UTP20: variants seen among roughly 807,000 people sequenced by gnomAD.
UTP20 encodes the protein small subunit processome component 20 homolog.
UTP20 carries 164 observed loss-of-function variants against 329.5 expected under a neutral mutation model. That is an observed-to-expected ratio of 0.50 (90% CI 0.44 to 0.57). The LOEUF is 0.57. UTP20 is among the 20% of genes least tolerant of loss of function. The probability of loss-of-function intolerance (pLI) is 0.00; values close to 1 mark genes in which losing one functional copy is unlikely to be tolerated. For synonymous variants in UTP20, 1,151 were observed against 1,159.3 expected (o/e 0.99, Z 0.14); for missense variants, 3,055 against 3,284.2 (o/e 0.93, Z 1.71).
rs1870417764 is a variant in UTP20 at position 101,374,810 on chromosome 12, C to A, written c.7134C>A (p.Arg2378=). 5.8e-6 allele frequency: 6 copies of A among 1,037,978 alleles called. No homozygotes were observed. Among genetic ancestry groups the A allele is most frequent in the Non-Finnish European group, 7.7e-6 (5 of 653,288 alleles). 64.3% of individuals were successfully genotyped at this position (1,037,978 alleles called of 1,614,324 possible). Residue 2378 remains arginine (R), a splice_region_variant and synonymous_variant, in exon 55 of 62, where the codon CGC becomes CGA. Coordinates refer to ENST00000261637, the MANE Select transcript of UTP20 (RefSeq NM_014503.3). The stretch of plus-strand genomic sequence containing the variant: ...GTCTTGTGGTTTATTTTTGGTAGCG[C>A]TTAAATAGACAACTTGCTGCCCTGA... The part of the protein sequence containing the change: ...MVTTWFGAKK[R]LNRQLAALIC...
intron 43 of UTP20, among the ~76,000 whole-genome samples, chr12:101,360,889 C>T (rs1050697681): frequency 6.6e-6 from 1 of 152,096 alleles, no homozygotes; most frequent in Non-Finnish European, 1.5e-5. Flanking sequence ...ACCCAATCTA[C>T]GTTTTGACAA....
intron 21 of UTP20, among the ~76,000 whole-genome samples, chr12:101,316,740 G>C (rs528412107): frequency 6.1e-4 from 93 of 152,268 alleles, no homozygotes; most frequent in African/African-American, 2.1e-3. Flanking sequence ...GACAACAAAA[G>C]GTTAATTGTT....
At chr12:101,284,617 A>G (rs1318989564) in intron 2 of UTP20, among the ~76,000 whole-genome samples, 1 of 152,110 alleles carries the variant, frequency 6.6e-6, no homozygotes, top group Non-Finnish European at 1.5e-5. Context: ...TTATACATCT[A>G]TATACACACA....
chr12:101,324,691 C>T (rs901614086), intron 25 of UTP20, among the ~76,000 whole-genome samples: 1 of 152,150 alleles, frequency 6.6e-6, no homozygotes, highest in Non-Finnish European at 1.5e-5. Context: ...TAATAACAAT[C>T]ACAAATCTCA....
chr12:101,306,684 T>C lies in UTP20; in HGVS notation c.1933-15T>C. ...TAAACTTTGGAATTTGAAAGATGCCTTTTACTTTCTCCAGATTCGGCTTTT... is the reference window on the plus strand; with the variant it reads ...TAAACTTTGGAATTTGAAAGATGCCCTTTACTTTCTCCAGATTCGGCTTTT... On this transcript the variant is annotated splice_polypyrimidine_tract_variant and intron_variant, in intron 16 of 61. Transcript: ENST00000261637. 1 of 1,596,790 alleles carries C rather than the reference T, an allele frequency of 6.3e-7. No homozygotes were observed. Among genetic ancestry groups the C allele is most frequent in the South Asian group, 1.2e-5 (1 of 86,550 alleles).
At chr12:101,295,330 GCA>G (rs1254977915) in intron 11 of UTP20, 148 bp from the exon 12 acceptor site, 10 of 671,634 alleles carry the variant, frequency 1.5e-5, no homozygotes, top group Admixed American at 6.3e-5. Flanking sequence ...AGACATGGCT[GCA>G]CAGTCTTTAG....
chr12:101,345,797 T>A, intron 37 of UTP20, 103 bp downstream of exon 37: 2 of 1,076,250 alleles, frequency 1.9e-6, no homozygotes, highest in Non-Finnish European at 1.3e-6. Flanking sequence ...CAAAAAGGTT[T>A]AAGCTTCTCT....
At position 101,323,445 on chromosome 12, in the gene UTP20, A is replaced by C. The variant is rs563135516; in HGVS notation, c.3041+1816A>C. Among the ~76,000 whole-genome samples the C allele has an allele frequency of 2.6e-5, 4 of 152,342 alleles. No homozygotes were observed. The East Asian group carries it at 7.7e-4, about 29-fold the overall frequency. The stretch of plus-strand genomic sequence containing the variant: ...TGAACCACTTTATATTCCTACCAGC[A>C]GTAGGATGCCTGTTTCACACCATTC... On this transcript the variant is annotated intron_variant, in intron 25 of 61. Coordinates refer to ENST00000261637, the MANE Select transcript of UTP20 (RefSeq NM_014503.3).
At chr12:101,317,185 C>T (rs746047684) in intron 21 of UTP20, among the ~76,000 whole-genome samples, 1 of 152,146 alleles carries the variant, frequency 6.6e-6, no homozygotes, top group Non-Finnish European at 1.5e-5. Flanking sequence ...GTGGTGGTTC[C>T]AGAGACAGGG....
rs146565929 is a variant in UTP20, at chr12:101,295,526, T to C, written c.1298T>C (p.Ile433Thr). ...TCATATATTGTGAATTGCTTCTTAATTGATGATGCTGTAGTCAAAGATGAA... is the reference window on the plus strand; with the variant it reads ...TCATATATTGTGAATTGCTTCTTAACTGATGATGCTGTAGTCAAAGATGAA... ...FLSYIVNCFL[I>T]DDAVVKDEAL... The change falls in exon 12 of 62, where the codon ATT becomes ACT. Residue 433 changes from isoleucine to threonine, a missense_variant. Coordinates refer to ENST00000261637, the MANE Select transcript of UTP20 (RefSeq NM_014503.3). 1.7e-5 allele frequency: 28 copies of C among 1,611,686 alleles called. No individual in the cohort carries two copies. The African/African-American group carries it at 2.1e-4, about 12-fold the overall frequency.
At position 101,333,306 on chromosome 12, in the gene UTP20, G is replaced by A; in HGVS notation, c.3423G>A (p.Gln1141=). The A allele has an allele frequency of 6.2e-7, 1 of 1,613,084 alleles. No homozygotes were observed. Among genetic ancestry groups the A allele is most frequent in the Non-Finnish European group, 8.5e-7 (1 of 1,179,608 alleles). The change falls in exon 28 of 62, where the codon CAG becomes CAA. Residue 1141 remains glutamine (Q), a synonymous_variant. Transcript: ENST00000261637. ...SHILDQREKI[Q]LRFINPLKNL... ...AGAAGATCTTTGTTTTACAGATACA[G>A]CTGAGATTTATTAATCCATTGAAAA...
chr12:101,350,823 G>A (rs767482689), intron 38 of UTP20, among the ~76,000 whole-genome samples: 1 of 151,850 alleles, frequency 6.6e-6, no homozygotes, highest in East Asian at 1.9e-4. Flanking sequence ...CCTTACTCAC[G>A]CTTACTGCTC....
intron 60 of UTP20, 66 bp downstream of exon 60, chr12:101,383,735 T>C: frequency 7.4e-7 from 1 of 1,344,232 alleles, no homozygotes; most frequent in Non-Finnish European, 9.7e-7. Flanking sequence ...CTCCTGAATG[T>C]TTCCTTCTTC....
At chr12:101,332,931 AT>A (rs1283143209) in intron 27 of UTP20, among the ~76,000 whole-genome samples, 1 of 152,176 alleles carries the variant, frequency 6.6e-6, no homozygotes, top group Admixed American at 6.5e-5. Context: ...TGGGAAAAAA[AT>A]TTTAAAAAAA....
intron 49 of UTP20, 78 bp from the exon 50 acceptor site, chr12:101,370,354 T>G (rs953086147): frequency 1.6e-5 from 23 of 1,463,250 alleles, no homozygotes; most frequent in Non-Finnish European, 2.0e-5. Context: ...ACTTGTGTGT[T>G]GTGTTAAGTC....
At chr12:101,382,018 CAAAAAAA>C (rs756789889) in intron 58 of UTP20, among the ~76,000 whole-genome samples, 3 of 107,322 alleles carry the variant, frequency 2.8e-5, no homozygotes, top group Non-Finnish European at 3.5e-5. Context: ...GACTCTGTAT[CAAAAAAA>C]AAAAAAAAAA....
chr12:101,328,274 G>T (rs1195978772), intron 26 of UTP20, among the ~76,000 whole-genome samples: 3 of 152,198 alleles, frequency 2.0e-5, no homozygotes, highest in African/African-American at 4.8e-5. Flanking sequence ...AGGTATAGAT[G>T]ATACTCTTAT....
intron 6 of UTP20, 21 bp from the exon 7 acceptor site, chr12:101,290,116 C>A: frequency 6.7e-7 from 1 of 1,487,740 alleles, no homozygotes; most frequent in South Asian, 1.3e-5. Flanking sequence ...TATAATTTTC[C>A]ATTTCTACTT....
chr12:101,327,366 G>C (rs1013865377), intron 26 of UTP20, 119 bp downstream of exon 26: 6 of 1,027,486 alleles, frequency 5.8e-6, no homozygotes, highest in Non-Finnish European at 7.9e-6. Context: ...TCCCAATCTT[G>C]ATGGCAATCT....
Sources: allele counts gnomAD v4.1 joint callset (sites outside exome capture counted in the v4.1 genomes callset), GRCh38; gene constraint gnomAD v4.1.1; transcripts MANE v1.5; gene names NCBI Gene and HGNC (gene_info 2026-07-23, HGNC 2026-07-21).